Variants in NTRK3 observed in about 807,000 individuals in gnomAD.
NTRK3 encodes the protein neurotrophic receptor tyrosine kinase 3.
Under a neutral mutation model 91.7 loss-of-function variants are expected in NTRK3, and 24 were observed. The observed-to-expected ratio is 0.26, with a 90% confidence interval of 0.19 to 0.37. The LOEUF is 0.37. Among genes scored for constraint, NTRK3 ranks in the 10% least tolerant of loss-of-function variants. The probability of loss-of-function intolerance (pLI) is 1.00; values close to 1 mark genes in which losing one functional copy is unlikely to be tolerated. For synonymous variants in NTRK3, 483 were observed against 404.0 expected (o/e 1.20, Z -2.34); for missense variants, 880 against 1,068.9 (o/e 0.82, Z 2.46).
chr15:88,251,630 G>A (rs747568220), intron 3 of NTRK3, among the ~76,000 whole-genome samples: 24 of 152,242 alleles, frequency 1.6e-4, no homozygotes, highest in South Asian at 1.2e-3. Context: ...ACCAAAGGAG[G>A]GCCTCAGGCT....
intron 17 of NTRK3, among the ~76,000 whole-genome samples, chr15:87,923,845 T>A (rs2068073185): frequency 6.6e-6 from 1 of 152,090 alleles, no homozygotes; most frequent in Non-Finnish European, 1.5e-5. Flanking sequence ...AAGAGCGGGT[T>A]TACTATAAAA....
At chr15:87,866,153 T>C (rs1427346943) in exon 19 of NTRK3, 2 of 225,598 alleles carry the variant, frequency 8.9e-6, no homozygotes, top group Admixed American at 5.7e-5. Flanking sequence ...GAAACTGAGG[T>C]AAAGGGCAGA....
At chr15:88,007,093 C>T (rs1017748609) in intron 14 of NTRK3, among the ~76,000 whole-genome samples, 3 of 152,122 alleles carry the variant, frequency 2.0e-5, no homozygotes, top group Admixed American at 2.0e-4. Context: ...ACATGACCCC[C>T]GGCCTCCAAA....
At chr15:88,197,114 A>AAC (rs2047900798) in intron 3 of NTRK3, among the ~76,000 whole-genome samples, 2 of 129,400 alleles carry the variant, frequency 1.5e-5, no homozygotes, top group Non-Finnish European at 1.6e-5. Flanking sequence ...AAAAAAAAAA[A>AAC]AAAAAAAAAA....
At chr15:87,938,221 T>C (rs988102104) in intron 15 of NTRK3, among the ~76,000 whole-genome samples, 1 of 152,254 alleles carries the variant, frequency 6.6e-6, no homozygotes, top group African/African-American at 2.4e-5. Flanking sequence ...AAATAGGCTG[T>C]GGTTTCTGCT....
chr15:88,062,868 C>G (rs2046336970), intron 13 of NTRK3, among the ~76,000 whole-genome samples: 1 of 152,232 alleles, frequency 6.6e-6, no homozygotes, highest in African/African-American at 2.4e-5. Context: ...TATGCCCACT[C>G]TATCAGCTTC....
chr15:88,240,150 A>T lies in NTRK3; in HGVS notation c.248+15756T>A, dbSNP rs2052199384. On this transcript the variant is annotated intron_variant, in intron 3 of 18. Transcript: ENST00000394480. This position sits in a 1 kb window ranked among gnomAD's most constrained non-coding sequence, Gnocchi z 4.9. ...CCCCCACAGGATTGCCCCCAGAGAA[A>T]CCCAGGGCTGCTGCATCTGTATGGC... is the stretch of plus-strand genomic sequence containing the variant. 6.7e-6 allele frequency among the ~76,000 whole-genome samples: 1 copy of T among 150,038 alleles called. No homozygotes were observed. Among genetic ancestry groups the T allele is most frequent in the Non-Finnish European group, 1.5e-5 (1 of 67,358 alleles).
intron 3 of NTRK3, among the ~76,000 whole-genome samples, chr15:88,238,466 A>G (rs1419674309): frequency 6.6e-6 from 1 of 152,136 alleles, no homozygotes; most frequent in Non-Finnish European, 1.5e-5. Context: ...AAAAGACAGA[A>G]TATAAACATT....
At chr15:88,019,440 G>A (rs555253909) in intron 14 of NTRK3, among the ~76,000 whole-genome samples, 1 of 152,332 alleles carries the variant, frequency 6.6e-6, no homozygotes, top group East Asian at 1.9e-4. Context: ...TATGCCTCAG[G>A]GAAAATGAGT....
At chr15:87,939,871 T>C (rs1402180178) in intron 15 of NTRK3, among the ~76,000 whole-genome samples, 2 of 152,214 alleles carry the variant, frequency 1.3e-5, no homozygotes, top group African/African-American at 4.8e-5. Context: ...AGAGAAGCTG[T>C]TGACTGCTGG....
At chr15:88,090,457 A>T (rs1387147792) in intron 13 of NTRK3, among the ~76,000 whole-genome samples, 1 of 152,190 alleles carries the variant, frequency 6.6e-6, no homozygotes, top group East Asian at 1.9e-4. Flanking sequence ...GTAGATAAGC[A>T]TTCTCCTATA....
At chr15:87,921,853 T>C (rs1337088436) in intron 17 of NTRK3, among the ~76,000 whole-genome samples, 1 of 151,874 alleles carries the variant, frequency 6.6e-6, no homozygotes, top group Non-Finnish European at 1.5e-5. Flanking sequence ...ATGCCTAATC[T>C]TGCTATAAAG....
chr15:87,931,238 T>C (rs1167078211), intron 16 of NTRK3: 3 of 518,124 alleles, frequency 5.8e-6, no homozygotes, highest in African/African-American at 1.9e-5. Flanking sequence ...GAGATACTGC[T>C]GAATGTAAGG....
At chr15:88,090,007 C>T (rs1352491752) in intron 13 of NTRK3, among the ~76,000 whole-genome samples, 1 of 152,174 alleles carries the variant, frequency 6.6e-6, no homozygotes, top group East Asian at 1.9e-4. Flanking sequence ...TTGAACATGC[C>T]AGCACAGTTC....
chr15:88,186,278 A>T (rs2046937985), intron 3 of NTRK3, among the ~76,000 whole-genome samples: 1 of 152,194 alleles, frequency 6.6e-6, no homozygotes, highest in Admixed American at 6.5e-5. Context: ...CCACATTAGA[A>T]TTCCATAAAT....
rs1368385749 is a variant in NTRK3 at position 88,235,578 on chromosome 15, G to T, written c.248+20328C>A. Among the ~76,000 whole-genome samples, 1 of 152,162 alleles carries T rather than the reference G, an allele frequency of 6.6e-6. No individual in the cohort carries two copies. The highest frequency in any genetic ancestry group is 1.5e-5 in the Non-Finnish European group (1 of 68,026). On this transcript the variant is annotated intron_variant, in intron 3 of 18. Transcript: ENST00000394480. The surrounding 1 kb of genome is among the most constrained non-coding windows in gnomAD (Gnocchi z 5.2). ...GGCCCCTGGGAGGAGCAGCACAACTGGGGTGGATGGAGAACCCCAAGGAAA... is the reference window on the plus strand; with the variant it reads ...GGCCCCTGGGAGGAGCAGCACAACTTGGGTGGATGGAGAACCCCAAGGAAA...
intron 3 of NTRK3, among the ~76,000 whole-genome samples, chr15:88,218,823 A>G (rs1331467355): frequency 6.6e-6 from 1 of 152,208 alleles, no homozygotes; most frequent in Non-Finnish European, 1.5e-5. Flanking sequence ...TGAGAGGTGG[A>G]GCTTTAGAGT....
At chr15:88,055,939 GTC>G (rs1200053569) in intron 13 of NTRK3, among the ~76,000 whole-genome samples, 2 of 152,012 alleles carry the variant, frequency 1.3e-5, no homozygotes, top group Non-Finnish European at 1.5e-5. Context: ...CGTTCCCATT[GTC>G]ACTAAGATGA....
At chr15:87,908,560 C>CG (rs2066906923) in intron 17 of NTRK3, 1 of 399,254 alleles carries the variant, frequency 2.5e-6, no homozygotes. Context: ...TGGCATGGCC[C>CG]TTCCTGACAG....
Sources: allele counts gnomAD v4.1 joint callset (sites outside exome capture counted in the v4.1 genomes callset), GRCh38; gene constraint gnomAD v4.1.1; non-coding constraint Gnocchi (gnomAD v3.1); transcripts MANE v1.5; gene names NCBI Gene and HGNC (gene_info 2026-07-23, HGNC 2026-07-21).